DNAH3: variants seen among roughly 807,000 people sequenced by gnomAD.
DNAH3 encodes the protein axonemal beta dynein heavy chain 3.
DNAH3 carries 332 observed loss-of-function variants against 432.5 expected under a neutral mutation model. That is an observed-to-expected ratio of 0.77 (90% CI 0.70 to 0.84). DNAH3 has a LOEUF of 0.84. DNAH3 is among the 40% of genes least tolerant of loss of function. The pLI, the probability that DNAH3 is intolerant of heterozygous loss-of-function variation, is 0.00. For synonymous variants in DNAH3, 1,956 were observed against 1,900.2 expected (o/e 1.03, Z -0.76); for missense variants, 4,861 against 5,114.0 (o/e 0.95, Z 1.51).
chr16:21,086,853 T>C, exon 19 of DNAH3: 1 of 1,614,114 alleles, frequency 6.2e-7, no homozygotes, highest in Non-Finnish European at 8.5e-7. Context: ...AGAAACCTGC[T>C]GCCAGTGTCG....
chr16:20,933,576 G>T, intron 61 of DNAH3, 69 bp from the exon 62 acceptor site: 1 of 1,292,522 alleles, frequency 7.7e-7, no homozygotes, highest in South Asian at 1.4e-5. Context: ...TAAGAGCCTG[G>T]AATCTTCTGA....
At chr16:21,128,437 G>A (rs1438232375) in intron 7 of DNAH3, among the ~76,000 whole-genome samples, 1 of 151,942 alleles carries the variant, frequency 6.6e-6, no homozygotes, top group Non-Finnish European at 1.5e-5. Flanking sequence ...GCTCACACCT[G>A]TAATCCCAGC....
intron 21 of DNAH3, among the ~76,000 whole-genome samples, chr16:21,074,715 A>G (rs1025586509): frequency 6.6e-6 from 1 of 152,012 alleles, no homozygotes; most frequent in East Asian, 1.9e-4. Flanking sequence ...CTCCATCTCA[A>G]AAAAAGAAAG....
chr16:21,061,230 C>CA (rs1475160407), intron 25 of DNAH3, among the ~76,000 whole-genome samples: 5 of 118,062 alleles, frequency 4.2e-5, no homozygotes, highest in Non-Finnish European at 8.6e-5. Flanking sequence ...GGGCGATAGG[C>CA]CTTTTTTTTT....
At chr16:21,139,014 A>G (rs1383529084) in intron 5 of DNAH3, among the ~76,000 whole-genome samples, 1 of 152,188 alleles carries the variant, frequency 6.6e-6, no homozygotes, top group African/African-American at 2.4e-5. Flanking sequence ...AATTTTGCCA[A>G]CAGCACATAG....
intron 33 of DNAH3, among the ~76,000 whole-genome samples, chr16:21,039,213 G>GTTTTTTTTTTTTTTTTTTTTTT (rs1567681489): frequency 9.6e-6 from 1 of 103,628 alleles, no homozygotes; most frequent in African/African-American, 3.9e-5. Context: ...TTATAGTGTT[G>GTTTTTTTTTTTTTTTTTTTTTT]CTTTTTTTTT....
At chr16:20,952,614 A>T in intron 55 of DNAH3, 65 bp from the exon 56 acceptor site, 1 of 1,030,144 alleles carries the variant, frequency 9.7e-7, no homozygotes. Context: ...TCAAAGACCA[A>T]GCCGAGGGAG....
chr16:21,040,358 A>ATTT lies in DNAH3; in HGVS notation c.4639-418_4639-416dup, dbSNP rs55797285. On this transcript the variant is annotated intron_variant, in intron 32 of 61. Transcript: ENST00000261383. ...TCAGAAGAATCCCAAAGCCAGACAG[A>ATTT]TTTTTTTTTTTTTTTTTTTTTTTTT... Among the ~76,000 whole-genome samples, 69 of 79,736 alleles carry ATTT rather than the reference A, an allele frequency of 8.7e-4. 3 individuals are homozygous for ATTT. Among genetic ancestry groups the ATTT allele is most frequent in the African/African-American group, 2.4e-3 (42 of 17,758 alleles). The allele number at this position is 79,736 out of a possible 152,430, so 52.3% of individuals were successfully genotyped here.
intron 12 of DNAH3, among the ~76,000 whole-genome samples, chr16:21,113,539 A>G (rs1464556332): frequency 6.6e-6 from 1 of 152,130 alleles, no homozygotes; most frequent in Non-Finnish European, 1.5e-5. Flanking sequence ...GCTCACTGCA[A>G]TCTCCTCCTC....
intron 32 of DNAH3, among the ~76,000 whole-genome samples, chr16:21,040,650 C>T (rs575562941): frequency 2.0e-5 from 3 of 152,008 alleles, no homozygotes; most frequent in South Asian, 2.1e-4. Context: ...AAGGCGTGAG[C>T]TACCGCGCCC....
At chr16:21,002,253 G>A (rs1399212939) in intron 42 of DNAH3, among the ~76,000 whole-genome samples, 1 of 151,972 alleles carries the variant, frequency 6.6e-6, no homozygotes, top group Non-Finnish European at 1.5e-5. Context: ...GGACATAAAA[G>A]CTCTCTGAAA....
intron 51 of DNAH3, among the ~76,000 whole-genome samples, chr16:20,972,960 C>T (rs578081613): frequency 6.6e-6 from 1 of 152,096 alleles, no homozygotes; most frequent in African/African-American, 2.4e-5. Flanking sequence ...AACTCCTGAC[C>T]TAAAGTGATG....
chr16:21,073,120 C>G (rs1597312624), intron 21 of DNAH3, among the ~76,000 whole-genome samples: 2 of 152,244 alleles, frequency 1.3e-5, no homozygotes, highest in Middle Eastern at 6.8e-3. Flanking sequence ...TTTGGTCTTT[C>G]TCGCTCTGTT....
At chr16:21,123,039 T>A (rs1039648786) in intron 9 of DNAH3, among the ~76,000 whole-genome samples, 12 of 152,276 alleles carry the variant, frequency 7.9e-5, no homozygotes, top group Non-Finnish European at 1.6e-4. Flanking sequence ...CTATGTCTGA[T>A]CACCTCTCTC....
At chr16:21,139,861 C>A (rs2092696452) in intron 5 of DNAH3, among the ~76,000 whole-genome samples, 1 of 145,992 alleles carries the variant, frequency 6.8e-6, no homozygotes, top group Non-Finnish European at 1.5e-5. Context: ...CTCACTGCAA[C>A]CTCCACCTCC....
exon 53 of DNAH3, chr16:20,964,937 C>T (rs765954659): frequency 3.7e-6 from 6 of 1,614,196 alleles, no homozygotes; most frequent in Middle Eastern, 3.3e-4. Context: ...CGGGCAGCTT[C>T]GGTCCATCTG....
chr16:20,969,919 CA>C lies in DNAH3; in HGVS notation c.8330del (p.Leu2777ArgfsTer9). The C allele has an allele frequency of 6.2e-7, 1 of 1,614,150 alleles. No individual in the cohort carries two copies. The highest frequency in any genetic ancestry group is 8.5e-7 in the Non-Finnish European group (1 of 1,180,032). ...TCACCAGCGAGATGTCGGCCGGGTT[CA>C]GGGTGTCCAGAGCAGCTAGTGCAGC... On this transcript the variant is annotated frameshift_variant, in exon 52 of 62. Transcript: ENST00000261383. LOFTEE classifies it high-confidence loss of function.
chr16:20,985,817 C>T (rs2086164497), intron 47 of DNAH3, 102 bp from the exon 48 acceptor site: 2 of 1,159,860 alleles, frequency 1.7e-6, no homozygotes, highest in Non-Finnish European at 2.5e-6. Context: ...CTTATTTCCT[C>T]TGAGCACATC....
At chr16:21,121,557 G>GAC (rs1427968476) in intron 10 of DNAH3, among the ~76,000 whole-genome samples, 2 of 151,570 alleles carry the variant, frequency 1.3e-5, no homozygotes, top group Non-Finnish European at 2.9e-5. Flanking sequence ...CATCATGGAG[G>GAC]ACACTATACT....
Sources: gnomAD v4.1 joint callset for allele counts (sites outside exome capture counted in the v4.1 genomes callset) on GRCh38, gnomAD v4.1.1 for gene constraint, MANE v1.5 for transcripts, NCBI Gene and HGNC (gene_info 2026-07-23, HGNC 2026-07-21) for gene names.